Variants in EFCAB5 observed in about 807,000 individuals in gnomAD.
The protein encoded by EFCAB5 is EF-hand calcium-binding domain-containing protein 5.
In EFCAB5, 131 loss-of-function variants were observed where a neutral mutation model predicts 167.9. That is an observed-to-expected ratio of 0.78 (90% confidence interval 0.68 to 0.90). The LOEUF (loss-of-function observed/expected upper bound fraction) is 0.90. Among genes scored for constraint, EFCAB5 ranks in the 40% least tolerant of loss-of-function variants. The pLI, the probability that EFCAB5 is intolerant of heterozygous loss-of-function variation, is 0.00. For synonymous variants in EFCAB5, 574 were observed against 602.8 expected, an observed-to-expected ratio of 0.95 and a Z score of 0.70; for missense variants, 1,663 against 1,745.2, an observed-to-expected ratio of 0.95 and a Z score of 0.84.
At chr17:30,028,438 T>C (rs1424450410) in intron 7 of EFCAB5, among the ~76,000 whole-genome samples, 1 of 152,192 alleles carries the variant, frequency 6.6e-6, no homozygotes, top group Non-Finnish European at 1.5e-5. Context: ...AGCTGTAGCA[T>C]GGAAAGACAG....
At chr17:29,942,453 A>AT (rs762261664) in intron 2 of EFCAB5, among the ~76,000 whole-genome samples, 151 bp downstream of exon 2, 12 of 152,194 alleles carry the variant, frequency 7.9e-5, no homozygotes, top group Non-Finnish European at 1.5e-4. Context: ...TATTAAGCTG[A>AT]TTCATTTGAG....
At position 30,022,579 on chromosome 17, in the gene EFCAB5, C is replaced by T. The variant is rs189898736; in HGVS notation, c.1045-11651C>T. ...CAGGGTGGGTTAAGTGTAGGAAACT[C>T]GTCTGGTGGTCGTGAGTTTTAATTT... On this transcript the variant is annotated intron_variant, in intron 7 of 22. Coordinates refer to ENST00000394835, the MANE Select transcript of EFCAB5 (RefSeq NM_198529.4). Among the ~76,000 whole-genome samples, 172 of 152,170 alleles carry T rather than the reference C, an allele frequency of 1.1e-3. 1 individual carries two copies. The highest frequency in any genetic ancestry group is 1.3e-3 in the Non-Finnish European group (90 of 67,982).
chr17:29,961,843 T>A (rs2067726161), intron 3 of EFCAB5, among the ~76,000 whole-genome samples: 1 of 152,216 alleles, frequency 6.6e-6, no homozygotes. Flanking sequence ...TCAGTTTAGA[T>A]CTTTGATTTG....
At chr17:30,083,537 C>T (rs568733700) in intron 18 of EFCAB5, among the ~76,000 whole-genome samples, 2 of 152,354 alleles carry the variant, frequency 1.3e-5, no homozygotes, top group African/African-American at 4.8e-5. Context: ...TTACCTCAAC[C>T]TCCGCCACCC....
At chr17:30,048,081 G>A (rs991190663) in intron 8 of EFCAB5, among the ~76,000 whole-genome samples, 2 of 152,172 alleles carry the variant, frequency 1.3e-5, no homozygotes, top group Middle Eastern at 3.2e-3. Flanking sequence ...AAACACTCCC[G>A]TGGACCACTG....
At chr17:30,019,563 A>G (rs2151702756) in intron 7 of EFCAB5, among the ~76,000 whole-genome samples, 1 of 151,714 alleles carries the variant, frequency 6.6e-6, no homozygotes, top group South Asian at 2.1e-4. Flanking sequence ...CTCCAGCCTC[A>G]GCATCCTGAG....
In EFCAB5 at chr17:30,107,968, A is replaced by G. The variant is rs769527728; in HGVS notation, c.4456A>G (p.Lys1486Glu). 3.1e-6 allele frequency: 5 copies of G among 1,609,944 alleles called. No homozygotes were observed. In the Admixed American group the frequency reaches 6.8e-5, roughly 22 times the overall value. ...NSGITPPLPS[K>E]TDNYMYAKMP... ...TGGTATTACACCTCCGTTGCCCTCCAAGACTGACAATTATATGTATGCAAA... is the reference window on the plus strand; with the variant it reads ...TGGTATTACACCTCCGTTGCCCTCCGAGACTGACAATTATATGTATGCAAA... The change falls in exon 23 of 23, where the codon AAG (lysine) becomes GAG (glutamate). Residue 1486 changes from lysine (K) to glutamate (E), a missense_variant. Lys to Glu is a moderately conservative substitution (Grantham distance 56). Coordinates refer to ENST00000394835, the MANE Select transcript of EFCAB5 (RefSeq NM_198529.4).
chr17:30,030,341 G>A (rs189866115), intron 7 of EFCAB5, among the ~76,000 whole-genome samples: 50 of 152,202 alleles, frequency 3.3e-4, no homozygotes, highest in Admixed American at 8.5e-4. Flanking sequence ...AGGTTTGTTT[G>A]TTTGTTTGTT....
intron 3 of EFCAB5, among the ~76,000 whole-genome samples, chr17:29,946,624 G>C (rs1353889436): frequency 6.6e-6 from 1 of 151,688 alleles, no homozygotes; most frequent in Non-Finnish European, 1.5e-5. Flanking sequence ...TTTTTTAGTA[G>C]AGACTGGGTT....
chr17:30,099,107 C>G (rs1051175398), intron 22 of EFCAB5, among the ~76,000 whole-genome samples: 1 of 152,204 alleles, frequency 6.6e-6, no homozygotes, highest in African/African-American at 2.4e-5. Context: ...CCTCCATTAA[C>G]ATTTGTTTAC....
chr17:30,034,398 A>G lies in EFCAB5; in HGVS notation c.1200+13A>G. On this transcript the variant is annotated intron_variant, in intron 8 of 22. Transcript: ENST00000394835. ...TGACCACGGGAAGGTGGGTTAAGACATTTAAATAATTGCTTCTTGGCCAGA... is the reference window on the plus strand; with the variant it reads ...TGACCACGGGAAGGTGGGTTAAGACGTTTAAATAATTGCTTCTTGGCCAGA... 1 of 1,568,000 alleles carries G rather than the reference A, an allele frequency of 6.4e-7. No individual in the cohort carries two copies. Among genetic ancestry groups the G allele is most frequent in the South Asian group, 1.2e-5 (1 of 86,570 alleles).
At chr17:30,092,387 A>G (rs2071217414) in intron 21 of EFCAB5, among the ~76,000 whole-genome samples, 1 of 152,062 alleles carries the variant, frequency 6.6e-6, no homozygotes, top group Non-Finnish European at 1.5e-5. Flanking sequence ...CCCCAAGGGT[A>G]ACCATCATCT....
chr17:29,996,246 A>C, intron 5 of EFCAB5, 66 bp from the exon 6 acceptor site: 4 of 1,350,132 alleles, frequency 3.0e-6, no homozygotes, highest in Non-Finnish European at 4.1e-6. Context: ...AGTCTAAAAT[A>C]ACAAATATGT....
intron 7 of EFCAB5, among the ~76,000 whole-genome samples, chr17:30,027,419 C>G (rs1284215285): frequency 2.0e-5 from 3 of 148,558 alleles, no homozygotes; most frequent in Non-Finnish European, 3.0e-5. Flanking sequence ...TATGAACTCT[C>G]TTTATACTTT....
chr17:29,969,014 T>A lies in EFCAB5; in HGVS notation c.414T>A (p.Asn138Lys), dbSNP rs1278140552. Residue 138 changes from asparagine to lysine, a missense_variant, in exon 4 of 23, where the codon AAT (asparagine) becomes AAA (lysine). Physicochemically the swap from Asn to Lys is moderately conservative, Grantham distance 94. Coordinates refer to ENST00000394835, the MANE Select transcript of EFCAB5 (RefSeq NM_198529.4). ...AMQQKIIDKE[N>K]LKKELEKKAE... ...AGCAGAAAATAATAGATAAGGAAAA[T>A]CTGAAGAAGGAACTAGAAAAAAAGG... 6.3e-7 allele frequency: 1 copy of A among 1,590,520 alleles called. No homozygotes were observed. The highest frequency in any genetic ancestry group is 8.5e-7 in the Non-Finnish European group (1 of 1,170,222).
At chr17:30,010,414 C>T (rs1228661640) in intron 7 of EFCAB5, among the ~76,000 whole-genome samples, 2 of 152,152 alleles carry the variant, frequency 1.3e-5, no homozygotes, top group East Asian at 3.9e-4. Flanking sequence ...CTAGTTTACA[C>T]TCCTACCAAC....
chr17:30,077,554 C>A (rs546493238), intron 14 of EFCAB5, among the ~76,000 whole-genome samples: 68 of 152,008 alleles, frequency 4.5e-4, no homozygotes, highest in Non-Finnish European at 7.6e-4. Context: ...TGGTAATGTT[C>A]AGGTTTGGTA....
intron 5 of EFCAB5, among the ~76,000 whole-genome samples, chr17:29,994,098 C>T (rs141411538): frequency 0.013 from 1,631 of 126,042 alleles, 39 homozygotes; most frequent in African/African-American, 0.045. Context: ...AGAGGGACTA[C>T]GTCTCTTAAA....
intron 4 of EFCAB5, among the ~76,000 whole-genome samples, chr17:29,977,815 C>T (rs1333843168): frequency 2.0e-5 from 3 of 152,030 alleles, no homozygotes; most frequent in Admixed American, 6.6e-5. Flanking sequence ...TTTCAAGAAG[C>T]GAGGGACACA....
Sources: gnomAD v4.1 joint callset for allele counts (sites outside exome capture counted in the v4.1 genomes callset) on GRCh38, gnomAD v4.1.1 for gene constraint, MANE v1.5 for transcripts, NCBI Gene and HGNC (gene_info 2026-07-23, HGNC 2026-07-21) for gene names.